The following STARD13 variants were observed in gnomAD, a reference collection of about 807,000 sequenced individuals.
STARD13 encodes the protein StAR related lipid transfer domain containing 13, also known as stAR-related lipid transfer protein 13.
A neutral mutation model predicts 106.4 loss-of-function variants in STARD13; 62 were observed. That is an observed-to-expected ratio of 0.58 (90% confidence interval 0.48 to 0.72). The LOEUF (loss-of-function observed/expected upper bound fraction) is 0.72, where lower values mean the gene tolerates loss of function less well. Ranked by LOEUF, STARD13 falls within the 30% of genes least tolerant of loss-of-function variation. The pLI is 0.00. For missense variants in STARD13, 1,387 were observed against 1,424.0 expected (o/e 0.97, Z 0.42); for synonymous variants, 565 against 553.0 (o/e 1.02, Z -0.31).
At chr13:33,279,632 A>G (rs115086796) in intron 1 of STARD13, 64 of 152,306 alleles carry the variant, frequency 4.2e-4, no homozygotes, top group African/African-American at 1.4e-3. Context: ...GGCAACTCCA[A>G]TGGATTGGCC....
chr13:33,255,098 T>C (rs886211571), intron 1 of STARD13, among the ~76,000 whole-genome samples: 50 of 136,838 alleles, frequency 3.7e-4, no homozygotes, highest in African/African-American at 1.1e-3. Flanking sequence ...ATCTGTGTGC[T>C]CCCCCCCCCC....
At chr13:33,354,300 A>T (rs1011890988), upstream of STARD13, among the ~76,000 whole-genome samples, 9 of 152,326 alleles carry the variant, frequency 5.9e-5, 1 homozygote, top group South Asian at 1.2e-3. Context: ...CTGTTCTTGA[A>T]TGCCCTTACC....
At chr13:33,670,854 A>G in the STARD13 span, among the ~76,000 whole-genome samples, 9 of 152,316 alleles carry the variant, frequency 5.9e-5, no homozygotes, top group South Asian at 1.0e-3. Context: ...CCATGATACC[A>G]TGAAGGATTT....
intron 1 of STARD13, among the ~76,000 whole-genome samples, chr13:33,270,234 TAAAACAAAACAAA>T (rs964884151): frequency 2.3e-4 from 35 of 152,204 alleles, no homozygotes; most frequent in Non-Finnish European, 4.7e-4. Context: ...AGACTCGGCC[TAAAACAAAACAAA>T]AAAACAAAAC....
At chr13:33,295,565 G>C (rs994150315) in intron 1 of STARD13, among the ~76,000 whole-genome samples, 1 of 152,156 alleles carries the variant, frequency 6.6e-6, no homozygotes, top group Non-Finnish European at 1.5e-5. Context: ...GCCAGGCACA[G>C]GGCTAGACTG....
At chr13:33,313,986 T>C (rs1893236285) in intron 1 of STARD13, among the ~76,000 whole-genome samples, 1 of 152,212 alleles carries the variant, frequency 6.6e-6, no homozygotes, top group Non-Finnish European at 1.5e-5. Flanking sequence ...AGTTAGGTAC[T>C]TTCATCCTTT....
intron 3 of STARD13, among the ~76,000 whole-genome samples, chr13:33,155,933 A>G (rs922830677): frequency 6.6e-6 from 1 of 152,248 alleles, no homozygotes; most frequent in Non-Finnish European, 1.5e-5. Context: ...CTTTAGGCAC[A>G]GATAAGAATG....
At chr13:33,659,280 A>G in the STARD13 span, among the ~76,000 whole-genome samples, 406 of 138,506 alleles carry the variant, frequency 2.9e-3, 2 homozygotes, top group African/African-American at 0.01. Flanking sequence ...CAGTGGTGCC[A>G]TCTCGTCTCA....
downstream of STARD13, among the ~76,000 whole-genome samples, chr13:33,345,996 G>T (rs2078012859): frequency 1.3e-5 from 2 of 152,196 alleles, no homozygotes; most frequent in African/African-American, 4.8e-5. Context: ...CCTCCTGGTA[G>T]CCACTTCGTA....
chr13:33,254,571 A>G (rs1294759394), intron 1 of STARD13, among the ~76,000 whole-genome samples: 1 of 152,134 alleles, frequency 6.6e-6, no homozygotes, highest in East Asian at 1.9e-4. Context: ...TGGGAACAGC[A>G]TTTCTGTTTT....
At chr13:33,143,274 T>A (rs1482777049) in intron 3 of STARD13, among the ~76,000 whole-genome samples, 1 of 152,232 alleles carries the variant, frequency 6.6e-6, no homozygotes, top group Non-Finnish European at 1.5e-5. Flanking sequence ...TTCATTTCGT[T>A]GGGATTACAG....
chr13:33,159,892 G>C (rs1327631497), intron 3 of STARD13, among the ~76,000 whole-genome samples: 1 of 152,170 alleles, frequency 6.6e-6, no homozygotes, highest in Non-Finnish European at 1.5e-5. Flanking sequence ...AAATATTGTT[G>C]AGATATCAAT....
chr13:33,533,672 G>GTA, the STARD13 span, among the ~76,000 whole-genome samples: 1 of 152,134 alleles, frequency 6.6e-6, no homozygotes, highest in Non-Finnish European at 1.5e-5. Context: ...GAAGTACATG[G>GTA]TAAGATCACA....
At chr13:33,504,009 C>T in the STARD13 span, among the ~76,000 whole-genome samples, 1 of 152,184 alleles carries the variant, frequency 6.6e-6, no homozygotes, top group African/African-American at 2.4e-5. Flanking sequence ...AAAAAATGCT[C>T]ATCATCACTG....
chr13:33,419,787 A>T, the STARD13 span, among the ~76,000 whole-genome samples: 1 of 152,242 alleles, frequency 6.6e-6, no homozygotes, highest in African/African-American at 2.4e-5. Context: ...GCCAGAAGAG[A>T]GTGGGGGCCA....
At chr13:33,501,985 T>C in the STARD13 span, among the ~76,000 whole-genome samples, 1 of 152,188 alleles carries the variant, frequency 6.6e-6, no homozygotes, top group Admixed American at 6.5e-5. Context: ...AGTATGACCA[T>C]TTTCACGATA....
chr13:33,519,928 G>A, the STARD13 span: 55 of 152,268 alleles, frequency 3.6e-4, no homozygotes, highest in African/African-American at 1.2e-3. Context: ...TTGTTCAAAT[G>A]TGTTTTTAAG....
chr13:33,366,881 A>C, the STARD13 span, among the ~76,000 whole-genome samples: 1 of 152,340 alleles, frequency 6.6e-6, no homozygotes, highest in East Asian at 1.9e-4. This position sits in a 1 kb window ranked among gnomAD's most constrained non-coding sequence, Gnocchi z 4.2. Context: ...CATTTAGTGA[A>C]AGGAGCTTAT....
At chr13:33,349,014 G>A (rs1461675403) in exon 2 of STARD13, 7 of 655,316 alleles carry the variant, frequency 1.1e-5, no homozygotes, top group African/African-American at 8.9e-5. Flanking sequence ...TGATGAGGAT[G>A]TGGGTGCATG....
Sources: gnomAD v4.1 joint callset for allele counts (sites outside exome capture counted in the v4.1 genomes callset) on GRCh38, gnomAD v4.1.1 for gene constraint, Gnocchi (gnomAD v3.1) non-coding constraint, MANE v1.5 for transcripts, NCBI Gene and HGNC (gene_info 2026-07-23, HGNC 2026-07-21) for gene names.